The following RUNDC3B variants were observed in gnomAD, a reference collection of about 807,000 sequenced individuals.
RUNDC3B encodes the protein RUN domain containing 3B.
Under a neutral mutation model 58.4 loss-of-function variants are expected in RUNDC3B, and 33 were observed. That is an observed-to-expected ratio of 0.56 (90% CI 0.43 to 0.75). The LOEUF (loss-of-function observed/expected upper bound fraction) is 0.75, where lower values mean the gene tolerates loss of function less well. Ranked by LOEUF, RUNDC3B falls within the 30% of genes least tolerant of loss-of-function variation. The pLI is 0.00. For missense variants in RUNDC3B, 501 were observed against 535.7 expected (o/e 0.94, Z 0.64); for synonymous variants, 193 against 195.2 (o/e 0.99, Z 0.10).
At chr7:87,650,465 A>G (rs902507204) in intron 1 of RUNDC3B, among the ~76,000 whole-genome samples, 3 of 152,104 alleles carry the variant, frequency 2.0e-5, no homozygotes, top group Admixed American at 2.0e-4. Flanking sequence ...AAGCTCCCTC[A>G]GGCCTCTTTT....
intron 2 of RUNDC3B, among the ~76,000 whole-genome samples, chr7:87,658,879 A>G (rs561694453): frequency 1.3e-5 from 2 of 152,340 alleles, no homozygotes; most frequent in East Asian, 1.9e-4. Flanking sequence ...GTTAAGCAGA[A>G]AGGAAATGAT....
chr7:87,773,671 G>GTTTTGT, intron 7 of RUNDC3B, among the ~76,000 whole-genome samples: 1 of 151,432 alleles, frequency 6.6e-6, no homozygotes, highest in South Asian at 2.1e-4. Flanking sequence ...GTTTTGTTTT[G>GTTTTGT]TTTTGTTTTG....
intron 1 of RUNDC3B, among the ~76,000 whole-genome samples, chr7:87,642,326 GT>G (rs1822540812): frequency 6.6e-6 from 1 of 151,912 alleles, no homozygotes; most frequent in Non-Finnish European, 1.5e-5. Context: ...ATATGTTATG[GT>G]TTTTTTCTGT....
chr7:87,773,646 T>G (rs1425117810), intron 7 of RUNDC3B, among the ~76,000 whole-genome samples: 1 of 133,630 alleles, frequency 7.5e-6, no homozygotes, highest in Admixed American at 7.5e-5. Context: ...GTTTGTTTTG[T>G]TTTTGTCTTG....
chr7:87,758,744 T>C (rs1833516107), intron 6 of RUNDC3B, among the ~76,000 whole-genome samples: 1 of 152,116 alleles, frequency 6.6e-6, no homozygotes. Context: ...ACGTCATTAA[T>C]CAACAGAGAA....
intron 8 of RUNDC3B, among the ~76,000 whole-genome samples, chr7:87,779,551 C>T (rs1834821813): frequency 6.6e-6 from 1 of 152,042 alleles, no homozygotes; most frequent in Admixed American, 6.6e-5. Flanking sequence ...AGGTGTTTTT[C>T]TCTTCTGTAT....
At chr7:87,711,019 T>A (rs537074080) in intron 4 of RUNDC3B, among the ~76,000 whole-genome samples, 22 of 152,240 alleles carry the variant, frequency 1.4e-4, no homozygotes, top group Non-Finnish European at 3.1e-4. Context: ...ATTTCCTTAT[T>A]TTTTTGCTTG....
At chr7:87,761,085 G>T (rs1040155241) in intron 6 of RUNDC3B, among the ~76,000 whole-genome samples, 1 of 151,828 alleles carries the variant, frequency 6.6e-6, no homozygotes, top group Non-Finnish European at 1.5e-5. Flanking sequence ...CACAAAATCA[G>T]GGTCTAGTAT....
intron 4 of RUNDC3B, among the ~76,000 whole-genome samples, chr7:87,723,326 T>C (rs911284459): frequency 6.6e-6 from 1 of 152,136 alleles, no homozygotes; most frequent in African/African-American, 2.4e-5. Flanking sequence ...ATGGGTAATA[T>C]TCAAAAAATA....
intron 4 of RUNDC3B, among the ~76,000 whole-genome samples, chr7:87,720,562 GTGT>G (rs1204920754): frequency 6.6e-6 from 1 of 150,984 alleles, no homozygotes; most frequent in Admixed American, 6.6e-5. Flanking sequence ...GTGTGTGTGT[GTGT>G]GTGTGTGTGT....
rs538609638 is a variant in RUNDC3B, at chr7:87,824,242, G to A, written c.1226-5643G>A. Reference sequence around the variant, plus strand: ...TGTCTAATAAAGAAGAAGAAATGACGTGTCATGTGAGGAACCCAGTGGGAG... The same window carrying A: ...TGTCTAATAAAGAAGAAGAAATGACATGTCATGTGAGGAACCCAGTGGGAG... On this transcript the variant is annotated intron_variant, in intron 10 of 10. Transcript: ENST00000394654. Among the ~76,000 whole-genome samples the A allele has an allele frequency of 1.0e-3, 156 of 152,284 alleles. 1 individual carries two copies. The Middle Eastern group carries it at 0.02, about 20-fold the overall frequency.
chr7:87,826,459 G>A (rs746604350), intron 10 of RUNDC3B, among the ~76,000 whole-genome samples: 14 of 151,204 alleles, frequency 9.3e-5, no homozygotes, highest in East Asian at 1.9e-4. Flanking sequence ...TATCAGCAGC[G>A]TGAAAATGGA....
chr7:87,725,508 A>G (rs1831171974), intron 4 of RUNDC3B, among the ~76,000 whole-genome samples: 1 of 152,168 alleles, frequency 6.6e-6, no homozygotes, highest in Non-Finnish European at 1.5e-5. Flanking sequence ...CATTTGGGTT[A>G]GTTCCAACTC....
At position 87,743,900 on chromosome 7, in the gene RUNDC3B, A is replaced by G. The variant is rs182425155; in HGVS notation, c.629+2321A>G. ...GAAATCCTTGCCTAAGCCAATATCT[A>G]GAAGGGTTTTTCCAAAGTTATCTTG... On this transcript the variant is annotated intron_variant, in intron 6 of 10. Coordinates refer to ENST00000394654, the MANE Select transcript of RUNDC3B (RefSeq NM_001134405.2). 3.2e-3 allele frequency among the ~76,000 whole-genome samples: 491 copies of G among 152,256 alleles called. 4 individuals carry two copies. The highest frequency in any genetic ancestry group is 0.024 in the South Asian group (114 of 4,820).
At chr7:87,792,865 A>G (rs1406624862) in intron 8 of RUNDC3B, among the ~76,000 whole-genome samples, 1 of 152,076 alleles carries the variant, frequency 6.6e-6, no homozygotes, top group Non-Finnish European at 1.5e-5. Flanking sequence ...GAATAAATGA[A>G]ATTGAAATGA....
chr7:87,671,863 C>A (rs1054185220), intron 2 of RUNDC3B, among the ~76,000 whole-genome samples: 2 of 152,176 alleles, frequency 1.3e-5, no homozygotes, highest in Admixed American at 6.5e-5. Flanking sequence ...TGCCACTCCC[C>A]CTGGGAGCAC....
intron 2 of RUNDC3B, among the ~76,000 whole-genome samples, chr7:87,675,443 C>T (rs907146437): frequency 3.9e-5 from 6 of 152,102 alleles, no homozygotes; most frequent in African/African-American, 1.4e-4. Context: ...TGCTTCCTGA[C>T]TTCAAACTAT....
intron 2 of RUNDC3B, among the ~76,000 whole-genome samples, chr7:87,683,814 T>C (rs938202181): frequency 2.0e-5 from 3 of 152,180 alleles, no homozygotes; most frequent in African/African-American, 7.2e-5. Flanking sequence ...ACTTGCTGGA[T>C]GCAAGGTTGA....
chr7:87,629,643 T>C (rs1341421016), intron 1 of RUNDC3B, among the ~76,000 whole-genome samples: 3 of 152,058 alleles, frequency 2.0e-5, no homozygotes, highest in Non-Finnish European at 4.4e-5. Flanking sequence ...ATAATTACTA[T>C]TGGGCCGGGC....
Sources: gnomAD v4.1 joint callset for allele counts (sites outside exome capture counted in the v4.1 genomes callset) on GRCh38, gnomAD v4.1.1 for gene constraint, MANE v1.5 for transcripts, NCBI Gene and HGNC (gene_info 2026-07-23, HGNC 2026-07-21) for gene names.